APTX: variants seen among roughly 807,000 people sequenced by gnomAD.
APTX encodes aprataxin, also known as forkhead-associated domain histidine triad-like protein.
APTX carries 33 observed loss-of-function variants against 42.3 expected under a neutral mutation model. That is an observed-to-expected ratio of 0.78 (90% CI 0.59 to 1.04). APTX has a LOEUF of 1.04. APTX is among the 50% of genes least tolerant of loss of function. The probability of loss-of-function intolerance (pLI) is 0.00; values close to 1 mark genes in which losing one functional copy is unlikely to be tolerated. For missense variants in APTX, 421 were observed against 415.1 expected (o/e 1.01, Z -0.12); for synonymous variants, 130 against 146.7 (o/e 0.89, Z 0.82).
At position 33,017,068 on chromosome 9, in the gene APTX, T is replaced by C. The variant is rs1227339011; in HGVS notation, c.-5+7955A>G. ...AATACTTTGAACCAAATGTTGGGGGTGGAGGGGCTTCAAACCAAACAATTC... is the reference window on the plus strand; with the variant it reads ...AATACTTTGAACCAAATGTTGGGGGCGGAGGGGCTTCAAACCAAACAATTC... On this transcript the variant is annotated intron_variant, in intron 1 of 6. Coordinates refer to the APTX transcript ENST00000436040. Among the ~76,000 whole-genome samples, 3 of 152,018 alleles carry C rather than the reference T, an allele frequency of 2.0e-5. No homozygotes were observed. In the East Asian group the frequency reaches 5.8e-4, roughly 29 times the overall value.
At chr9:32,990,982 A>C (rs916739371) in intron 1 of APTX, among the ~76,000 whole-genome samples, 10 of 151,946 alleles carry the variant, frequency 6.6e-5, no homozygotes, top group African/African-American at 2.4e-4. Context: ...GCTGGAGTGC[A>C]ATGGCACAAT....
chr9:32,998,740 G>A (rs2119071642), intron 1 of APTX, among the ~76,000 whole-genome samples: 1 of 152,208 alleles, frequency 6.6e-6, no homozygotes, highest in South Asian at 2.1e-4. Context: ...GGCTAGGGGA[G>A]GGATAGCATT....
intron 1 of APTX, among the ~76,000 whole-genome samples, chr9:33,011,474 A>G (rs1394602687): frequency 1.3e-5 from 2 of 151,714 alleles, no homozygotes; most frequent in African/African-American, 2.4e-5. Flanking sequence ...TTTAGTAGAG[A>G]CGGGGTTTCA....
At chr9:33,021,816 A>C (rs1190668526) in intron 1 of APTX, among the ~76,000 whole-genome samples, 1 of 152,186 alleles carries the variant, frequency 6.6e-6, no homozygotes. Context: ...GATGGAATAA[A>C]AAATTTAAGT....
intron 1 of APTX, among the ~76,000 whole-genome samples, chr9:32,994,473 C>T (rs1834367128): frequency 6.6e-6 from 1 of 152,208 alleles, no homozygotes; most frequent in African/African-American, 2.4e-5. Flanking sequence ...TCTCTCCTCT[C>T]TTCCCCAAGA....
chr9:33,001,595 C>G lies in APTX; in HGVS notation c.-33G>C. On this transcript the variant is annotated 5_prime_UTR_variant, in exon 1 of 8. Coordinates refer to ENST00000379817, the MANE Select transcript of APTX (RefSeq NM_001195248.2). ...CAGAAGTCGGAGACGGACAAATTCA[C>G]GTTACTCATCTGTGCCTCACCGCTT... 1 of 1,613,952 alleles carries G rather than the reference C, an allele frequency of 6.2e-7. No individual in the cohort carries two copies. The highest frequency in any genetic ancestry group is 1.1e-5 in the South Asian group (1 of 91,064).
chr9:33,001,289 T>C (rs995728142), intron 1 of APTX: 1 of 1,461,154 alleles, frequency 6.8e-7, no homozygotes, highest in African/African-American at 1.4e-5. Flanking sequence ...ACAGGGCCCA[T>C]TCTCTAATAT....
chr9:32,977,297 G>A (rs1470543496), intron 6 of APTX, among the ~76,000 whole-genome samples: 2 of 151,750 alleles, frequency 1.3e-5, no homozygotes, highest in Admixed American at 1.3e-4. Flanking sequence ...ATTGGCCTGA[G>A]CAACATAGTG....
At chr9:32,988,266 C>A in intron 2 of APTX, 137 bp from the exon 3 acceptor site, 1 of 753,238 alleles carries the variant, frequency 1.3e-6, no homozygotes, top group Non-Finnish European at 2.4e-6. Context: ...TATTAGCAAT[C>A]ACCTGTTATT....
intron 6 of APTX, 99 bp from the exon 7 acceptor site, chr9:32,974,660 G>C: frequency 1.4e-6 from 1 of 717,654 alleles, no homozygotes; most frequent in Non-Finnish European, 2.5e-6. Flanking sequence ...TCATACTATT[G>C]AATACTCTTT....
chr9:32,990,512 A>G (rs955720954), intron 1 of APTX, among the ~76,000 whole-genome samples: 14 of 152,192 alleles, frequency 9.2e-5, no homozygotes, highest in African/African-American at 3.1e-4. Flanking sequence ...ATTAGGCTAC[A>G]TATTGAAAGT....
At chr9:33,020,057 C>A in intron 1 of APTX, 1 of 394,918 alleles carries the variant, frequency 2.5e-6, no homozygotes, top group Non-Finnish European at 4.5e-6. Context: ...GTGTCCGCGC[C>A]CCCGGGGCAG....
chr9:33,018,097 CA>C (rs1177775236), intron 1 of APTX, among the ~76,000 whole-genome samples: 4 of 151,462 alleles, frequency 2.6e-5, no homozygotes, highest in African/African-American at 9.7e-5. Flanking sequence ...AAATGAAAAC[CA>C]AAATTTTATT....
At chr9:33,012,547 G>T (rs1238651279) in intron 1 of APTX, among the ~76,000 whole-genome samples, 1 of 152,076 alleles carries the variant, frequency 6.6e-6, no homozygotes. Context: ...CTGTTCAAAG[G>T]ATCCAGCTGC....
chr9:33,013,529 A>G (rs539736987), intron 1 of APTX, among the ~76,000 whole-genome samples: 3 of 152,316 alleles, frequency 2.0e-5, no homozygotes, highest in East Asian at 1.9e-4. Context: ...ATGGAGAGCC[A>G]GGCGTGGTGG....
chr9:32,976,972 C>T (rs1355612921), intron 6 of APTX, among the ~76,000 whole-genome samples: 1 of 152,116 alleles, frequency 6.6e-6, no homozygotes, highest in Non-Finnish European at 1.5e-5. Flanking sequence ...TGAATATACA[C>T]CATATTTGTT....
intron 1 of APTX, among the ~76,000 whole-genome samples, chr9:33,000,847 T>TTTTC (rs1191511505): frequency 2.2e-5 from 3 of 138,136 alleles, no homozygotes; most frequent in Non-Finnish European, 4.7e-5. Context: ...TTTTTTTTCT[T>TTTTC]TTTTTTTTTT....
chr9:33,001,212 C>T (rs1453721031), intron 1 of APTX: 2 of 1,085,862 alleles, frequency 1.8e-6, no homozygotes, highest in Admixed American at 5.3e-5. Flanking sequence ...CCCTCAAGTG[C>T]CTTTCACGAA....
chr9:32,990,714 G>A (rs557911751), intron 1 of APTX, among the ~76,000 whole-genome samples: 18 of 152,290 alleles, frequency 1.2e-4, no homozygotes, highest in South Asian at 2.1e-4. Context: ...AAGGCTTCAC[G>A]AGGAAGGGAT....
Sources: gnomAD v4.1 joint callset for allele counts (sites outside exome capture counted in the v4.1 genomes callset) on GRCh38, gnomAD v4.1.1 for gene constraint, MANE v1.5 for transcripts, NCBI Gene and HGNC (gene_info 2026-07-23, HGNC 2026-07-21) for gene names.